Variants in PPP4R4 observed in about 807,000 individuals in gnomAD.
PPP4R4 encodes protein phosphatase 4 regulatory subunit 4.
In PPP4R4, 70 loss-of-function variants were observed where a neutral mutation model predicts 121.8. The observed-to-expected ratio is 0.57, with a 90% CI of 0.47 to 0.70. The LOEUF is 0.70. PPP4R4 is among the 30% of genes least tolerant of loss of function. The pLI is 0.00. For missense variants in PPP4R4, 875 were observed against 1,033.6 expected, an observed-to-expected ratio of 0.85 and a Z score of 2.10; for synonymous variants, 348 against 355.7, an observed-to-expected ratio of 0.98 and a Z score of 0.24.
chr14:94,177,509 A>G (rs1042196849), intron 2 of PPP4R4, among the ~76,000 whole-genome samples: 1 of 152,202 alleles, frequency 6.6e-6, no homozygotes, highest in African/African-American at 2.4e-5. Context: ...CTTTTACTCA[A>G]AGTAGGTAGA....
chr14:94,260,140 A>T (rs918616942), intron 19 of PPP4R4, among the ~76,000 whole-genome samples: 1 of 152,120 alleles, frequency 6.6e-6, no homozygotes, highest in African/African-American at 2.4e-5. Context: ...AATTTAAAAA[A>T]ATGGCCGGGT....
Position 94,275,452 on chromosome 14 carries a change from G to T in PPP4R4, c.2528G>T (p.Arg843Leu). The T allele has an allele frequency of 6.2e-7, 1 of 1,613,894 alleles. No homozygotes were observed. Among genetic ancestry groups the T allele is most frequent in the Non-Finnish European group, 8.5e-7 (1 of 1,179,924 alleles). Reference sequence around the variant, plus strand: ...AATACTCCCTTACCGAGTACTTCCCGTGGGACAGGTAACTCAGTTGACCCC... The same window carrying T: ...AATACTCCCTTACCGAGTACTTCCCTTGGGACAGGTAACTCAGTTGACCCC... The part of the protein sequence containing the change: ...SPNTPLPSTS[R>L]GTGNSVDPKS... The change falls in exon 24 of 25, where the codon CGT becomes CTT. Residue 843 changes from arginine to leucine, a missense_variant. By Grantham distance (102) the Arg-to-Leu change is moderately radical. Transcript: ENST00000304338.
chr14:94,217,203 C>T (rs541868480), intron 3 of PPP4R4, among the ~76,000 whole-genome samples: 4 of 152,114 alleles, frequency 2.6e-5, no homozygotes, highest in South Asian at 4.2e-4. Context: ...GGAGAGAGAC[C>T]GCCTGCTGAA....
chr14:94,276,628 C>T (rs1054835507), intron 24 of PPP4R4, among the ~76,000 whole-genome samples: 1 of 128,696 alleles, frequency 7.8e-6, no homozygotes, highest in Non-Finnish European at 1.5e-5. Context: ...ACAAAGAAAA[C>T]ACCAAGCCGT....
At chr14:94,219,080 CTTTTTTT>C (rs71301922) in intron 3 of PPP4R4, among the ~76,000 whole-genome samples, 6 of 106,984 alleles carry the variant, frequency 5.6e-5, no homozygotes, top group African/African-American at 1.4e-4. Flanking sequence ...CTTTTCTTTT[CTTTTTTT>C]TTTTTTTTTG....
chr14:94,259,497 C>A (rs1187070369), intron 19 of PPP4R4, 128 bp downstream of exon 19: 1 of 1,256,498 alleles, frequency 8.0e-7, no homozygotes, highest in Admixed American at 3.7e-5. Context: ...AAATGATAGT[C>A]CAGTTTTTTG....
rs1891371035 is a variant in PPP4R4 at position 94,221,193 on chromosome 14, A to G, written c.295-9394A>G. 2.6e-5 allele frequency among the ~76,000 whole-genome samples: 4 copies of G among 152,294 alleles called. No homozygotes were observed. The South Asian group carries it at 8.3e-4, about 32-fold the overall frequency. On this transcript the variant is annotated intron_variant, in intron 3 of 24. Coordinates refer to ENST00000304338, the MANE Select transcript of PPP4R4 (RefSeq NM_058237.2). The stretch of plus-strand genomic sequence containing the variant: ...CTCAAACAGTTTGAAAAATAAATCC[A>G]TACCTTGCTCCATATGCAAAAGATA...
At chr14:94,178,562 A>G (rs1888803550) in intron 2 of PPP4R4, among the ~76,000 whole-genome samples, 2 of 152,060 alleles carry the variant, frequency 1.3e-5, no homozygotes. Context: ...TATATAGAGT[A>G]CTGTCATCGA....
intron 7 of PPP4R4, among the ~76,000 whole-genome samples, chr14:94,237,164 A>T (rs987375734): frequency 6.6e-6 from 1 of 152,174 alleles, no homozygotes; most frequent in African/African-American, 2.4e-5. Flanking sequence ...AAAATAATTT[A>T]TACCCTGAAA....
chr14:94,274,461 GA>G (rs1389415265), intron 23 of PPP4R4, among the ~76,000 whole-genome samples: 1 of 152,066 alleles, frequency 6.6e-6, no homozygotes, highest in Admixed American at 6.5e-5. Flanking sequence ...TTTAAAATGG[GA>G]AAAAGGTTTG....
At chr14:94,238,796 A>G (rs769193635) in intron 8 of PPP4R4, among the ~76,000 whole-genome samples, 8 of 152,228 alleles carry the variant, frequency 5.3e-5, no homozygotes, top group Non-Finnish European at 8.8e-5. Context: ...AAGCCTCTTA[A>G]AGATTATTGC....
chr14:94,188,396 C>T (rs902197297), intron 2 of PPP4R4, among the ~76,000 whole-genome samples: 1 of 151,918 alleles, frequency 6.6e-6, no homozygotes, highest in Non-Finnish European at 1.5e-5. Flanking sequence ...CTTCAGTTTT[C>T]TTATAATGTC....
chr14:94,208,810 A>G lies in PPP4R4; in HGVS notation c.294+244A>G, dbSNP rs74074124. 3.0e-3 allele frequency among the ~76,000 whole-genome samples: 462 copies of G among 152,178 alleles called. 2 individuals are homozygous for G. Among genetic ancestry groups the G allele is most frequent in the African/African-American group, 0.011 (447 of 41,548 alleles). On this transcript the variant is annotated intron_variant, in intron 3 of 24. Coordinates refer to ENST00000304338, the MANE Select transcript of PPP4R4 (RefSeq NM_058237.2). ...GTCATTTTCTCAGTAGAGACATTTTACTAAAGGTAGTTTTTAGTAGCTCAA... is the reference window on the plus strand; with the variant it reads ...GTCATTTTCTCAGTAGAGACATTTTGCTAAAGGTAGTTTTTAGTAGCTCAA...
chr14:94,190,058 T>G (rs1451961484), intron 2 of PPP4R4, among the ~76,000 whole-genome samples: 3 of 151,968 alleles, frequency 2.0e-5, no homozygotes. Context: ...CTTTTTTTTT[T>G]TTTTTGAGAT....
chr14:94,181,601 A>C (rs1888999520), intron 2 of PPP4R4, among the ~76,000 whole-genome samples: 1 of 152,210 alleles, frequency 6.6e-6, no homozygotes, highest in Admixed American at 6.5e-5. Flanking sequence ...ATCACCCCAT[A>C]ATGCATTTAC....
chr14:94,198,700 T>C (rs1890007298), intron 2 of PPP4R4, among the ~76,000 whole-genome samples: 1 of 152,248 alleles, frequency 6.6e-6, no homozygotes, highest in Non-Finnish European at 1.5e-5. Flanking sequence ...AAATTCTGTT[T>C]ATTGTTTCAG....
chr14:94,203,106 G>A (rs1890279593), intron 2 of PPP4R4, among the ~76,000 whole-genome samples: 1 of 152,186 alleles, frequency 6.6e-6, no homozygotes, highest in South Asian at 2.1e-4. Flanking sequence ...TTGACAGGAT[G>A]TTGACATTGA....
intron 3 of PPP4R4, chr14:94,227,356 T>C (rs759994848): frequency 1.2e-6 from 2 of 1,611,624 alleles, no homozygotes; most frequent in Non-Finnish European, 1.7e-6. Flanking sequence ...AGGGTGTGAC[T>C]CTGTGGAGGA....
At chr14:94,200,339 G>C (rs1161022118) in intron 2 of PPP4R4, among the ~76,000 whole-genome samples, 1 of 151,886 alleles carries the variant, frequency 6.6e-6, no homozygotes, top group Non-Finnish European at 1.5e-5. Flanking sequence ...TCCTTTTCTT[G>C]CCTTATTGCA....
Sources: gnomAD v4.1 joint callset for allele counts (sites outside exome capture counted in the v4.1 genomes callset) on GRCh38, gnomAD v4.1.1 for gene constraint, MANE v1.5 for transcripts, NCBI Gene and HGNC (gene_info 2026-07-23, HGNC 2026-07-21) for gene names.